The following RTN4 variants were observed in gnomAD, a reference collection of about 807,000 sequenced individuals.
The protein encoded by RTN4 is reticulon 4.
RTN4 carries 32 observed loss-of-function variants against 90.4 expected under a neutral mutation model. The observed-to-expected ratio is 0.35, with a 90% CI of 0.27 to 0.48. The LOEUF is 0.48. RTN4 is among the 20% of genes least tolerant of loss of function. RTN4 has a pLI of 0.99. For missense variants in RTN4, 1,706 were observed against 1,430.2 expected (o/e 1.19, Z -3.11); for synonymous variants, 629 against 552.5 (o/e 1.14, Z -1.94).
chr2:55,031,495 T>C (rs1682312063), intron 1 of RTN4, among the ~76,000 whole-genome samples: 1 of 152,228 alleles, frequency 6.6e-6, no homozygotes, highest in Non-Finnish European at 1.5e-5. Context: ...CTACGCTGCA[T>C]GTGCACAGCA....
chr2:54,983,321 TAATAAATAAATA>T (rs142672156), intron 4 of RTN4, among the ~76,000 whole-genome samples: 48 of 148,134 alleles, frequency 3.2e-4, no homozygotes, highest in Non-Finnish European at 5.1e-4. Flanking sequence ...ATTGTATTGG[TAATAAATAAATA>T]AATAAATAAA....
chr2:55,010,138 T>A, intron 3 of RTN4: 1 of 1,613,390 alleles, frequency 6.2e-7, no homozygotes, highest in Non-Finnish European at 8.5e-7. Flanking sequence ...CACGATCTGC[T>A]TTGCAGCTCC....
At chr2:55,109,378 C>T (rs937804903) in intron 1 of RTN4, among the ~76,000 whole-genome samples, 1 of 152,144 alleles carries the variant, frequency 6.6e-6, no homozygotes, top group Non-Finnish European at 1.5e-5. Flanking sequence ...GCAGCTGCTT[C>T]TCTGCTGATC....
At chr2:55,133,447 A>G in the RTN4 span, among the ~76,000 whole-genome samples, 3 of 152,250 alleles carry the variant, frequency 2.0e-5, no homozygotes, top group East Asian at 3.9e-4. Context: ...AAAGGTATAA[A>G]TCTACTTCCC....
intron 5 of RTN4, among the ~76,000 whole-genome samples, chr2:54,978,875 A>C (rs886725854): frequency 1.3e-5 from 2 of 152,204 alleles, no homozygotes; most frequent in African/African-American, 4.8e-5. Context: ...AATCCGTTTA[A>C]ACAAGGTAAA....
intron 3 of RTN4, among the ~76,000 whole-genome samples, chr2:55,004,461 G>A (rs184749742): frequency 6.6e-6 from 1 of 152,252 alleles, no homozygotes; most frequent in East Asian, 1.9e-4. Context: ...AAACAGGAAA[G>A]TTGGAATAAA....
At chr2:55,062,797 T>C (rs1024632372) in intron 2 of RTN4, among the ~76,000 whole-genome samples, 1 of 152,252 alleles carries the variant, frequency 6.6e-6, no homozygotes, top group African/African-American at 2.4e-5. Flanking sequence ...GCCATCTACC[T>C]GGTCATTTTA....
chr2:54,975,266 G>C (rs905748539), intron 5 of RTN4, among the ~76,000 whole-genome samples: 5 of 152,200 alleles, frequency 3.3e-5, no homozygotes, highest in African/African-American at 1.2e-4. Context: ...TCTAGCCTTT[G>C]AAGGATCAGG....
At chr2:54,989,391 G>T (rs753323742) in intron 3 of RTN4, among the ~76,000 whole-genome samples, 8 of 152,158 alleles carry the variant, frequency 5.3e-5, no homozygotes, top group Non-Finnish European at 8.8e-5. Context: ...TACAGCCCCT[G>T]CCTAAAACAT....
At chr2:55,032,044 A>G (rs868701997) in intron 1 of RTN4, among the ~76,000 whole-genome samples, 9 of 152,210 alleles carry the variant, frequency 5.9e-5, no homozygotes, top group Non-Finnish European at 1.2e-4. Flanking sequence ...AAGAAAGAAT[A>G]GCAAATATAA....
Position 55,025,567 on chromosome 2 carries a change from G to A in RTN4, c.2532C>T (p.Asp844=). ...TCTGTGCTTCCTTAGAAATAAATAA[G>A]TCATCATTTGAATAAACTGCAGTAC... ...ELSTAVYSND[D]LFISKEAQIR... Residue 844 remains aspartate, a synonymous_variant, in exon 3 of 9, where the codon GAC becomes GAT. Transcript: ENST00000337526. The A allele has an allele frequency of 6.2e-7, 1 of 1,613,664 alleles. No homozygotes were observed.
chr2:55,095,529 G>C (rs1179398717), intron 1 of RTN4, among the ~76,000 whole-genome samples: 1 of 151,818 alleles, frequency 6.6e-6, no homozygotes. Context: ...TTTTCTTTCA[G>C]TGAAACCCTG....
chr2:54,988,153 C>T (rs185262375), intron 3 of RTN4, among the ~76,000 whole-genome samples: 1 of 152,314 alleles, frequency 6.6e-6, no homozygotes, highest in East Asian at 1.9e-4. Flanking sequence ...TCCGTCTCTA[C>T]TGAAAATACA....
At chr2:55,121,669 T>A in the RTN4 span, among the ~76,000 whole-genome samples, 10 of 152,212 alleles carry the variant, frequency 6.6e-5, no homozygotes, top group African/African-American at 2.4e-4. Context: ...CCATTATTCT[T>A]ACTCTTCCTC....
At position 55,026,513 on chromosome 2, in the gene RTN4, T is replaced by A. The variant is rs1681888141; in HGVS notation, c.1586A>T (p.Tyr529Phe). ...CTTTGTTAAATTATCTGTTGTGACA[T>A]AATCTGTCTCAGAATCCTGTGCTGC... is the stretch of plus-strand genomic sequence containing the variant. ...LVAAQDSETDYVTTDNLTKVT... is the reference protein window; with the variant it reads ...LVAAQDSETDFVTTDNLTKVT... The change falls in exon 3 of 9, where the codon TAT becomes TTT. Residue 529 changes from tyrosine (Y) to phenylalanine (F), a missense_variant. By Grantham distance (22) the Tyr-to-Phe change is conservative. Transcript: ENST00000337526. 2 of 1,614,000 alleles carry A rather than the reference T, an allele frequency of 1.2e-6. No individual in the cohort carries two copies. Among genetic ancestry groups the A allele is most frequent in the Non-Finnish European group, 1.7e-6 (2 of 1,179,942 alleles).
At chr2:55,098,965 G>T (rs1269628428) in intron 1 of RTN4, among the ~76,000 whole-genome samples, 31 of 152,052 alleles carry the variant, frequency 2.0e-4, no homozygotes, top group Admixed American at 2.0e-3. Flanking sequence ...TTCATGAATG[G>T]GTGTATTCTT....
chr2:55,130,832 A>G, the RTN4 span, among the ~76,000 whole-genome samples: 1 of 152,162 alleles, frequency 6.6e-6, no homozygotes, highest in African/African-American at 2.4e-5. Context: ...CTGATTCAAG[A>G]GCTGCCATGA....
chr2:54,997,273 C>T lies in RTN4; in HGVS notation c.3014-9575G>A, dbSNP rs111339251. 6.8e-3 allele frequency among the ~76,000 whole-genome samples: 1,035 copies of T among 152,228 alleles called. 11 individuals carry two copies. Among genetic ancestry groups the T allele is most frequent in the African/African-American group, 0.023 (970 of 41,528 alleles). On this transcript the variant is annotated intron_variant, in intron 3 of 8. Coordinates refer to ENST00000337526, the MANE Select transcript of RTN4 (RefSeq NM_020532.5). ...GAAAAAATACTCAACATCATTTAGT[C>T]ATTATAAAAATGCAAACCAAAACCA...
intron 5 of RTN4, among the ~76,000 whole-genome samples, chr2:54,978,217 G>A (rs965320383): frequency 2.6e-5 from 4 of 152,256 alleles, no homozygotes; most frequent in African/African-American, 7.2e-5. Context: ...ATCACCTGAG[G>A]TCAGGAGTTC....
Sources: allele counts gnomAD v4.1 joint callset (sites outside exome capture counted in the v4.1 genomes callset), GRCh38; gene constraint gnomAD v4.1.1; transcripts MANE v1.5; gene names NCBI Gene and HGNC (gene_info 2026-07-23, HGNC 2026-07-21).